RHBDL3: variants seen among roughly 807,000 people sequenced by gnomAD.
RHBDL3 encodes rhomboid-related protein 3.
In RHBDL3, 28 loss-of-function variants were observed where a neutral mutation model predicts 48.2. The observed-to-expected ratio is 0.58, with a 90% CI of 0.43 to 0.80. The LOEUF is 0.80. Ranked by LOEUF, RHBDL3 falls within the 30% of genes least tolerant of loss-of-function variation. RHBDL3 has a pLI of 0.00. For missense variants in RHBDL3, 464 were observed against 542.7 expected (o/e 0.85, Z 1.44); for synonymous variants, 208 against 232.3 (o/e 0.90, Z 0.95).
intron 2 of RHBDL3, among the ~76,000 whole-genome samples, chr17:32,281,430 C>CT (rs1296564113): frequency 6.6e-6 from 1 of 152,052 alleles, no homozygotes; most frequent in Non-Finnish European, 1.5e-5. Flanking sequence ...GGGCTCCCTT[C>CT]TCTAGGCCGA....
intron 1 of RHBDL3, 67 bp downstream of exon 1, chr17:32,266,367 C>G (rs2039630370): frequency 6.1e-6 from 5 of 816,584 alleles, no homozygotes; most frequent in South Asian, 2.0e-5. Flanking sequence ...GCCCCTGTCT[C>G]GCCCCACGCC....
intron 2 of RHBDL3, among the ~76,000 whole-genome samples, chr17:32,281,693 C>T (rs924456008): frequency 1.3e-5 from 2 of 152,208 alleles, no homozygotes; most frequent in African/African-American, 2.4e-5. Flanking sequence ...CACATTCCCT[C>T]TCCAGGGTCC....
rs1046169753 is a variant in RHBDL3, at chr17:32,290,813, G to A, written c.519+1797G>A. Among the ~76,000 whole-genome samples, 10 of 151,896 alleles carry A rather than the reference G, an allele frequency of 6.6e-5. No individual in the cohort carries two copies. The South Asian group carries it at 2.1e-3, about 32-fold the overall frequency. ...AGCCCAGGAATTCAAGATGAGTCTG[G>A]ACAAAAAAGTGAGACTGTCTCTACA... On this transcript the variant is annotated intron_variant, in intron 4 of 8. Transcript: ENST00000269051.
rs1217338120 is a variant in RHBDL3, at chr17:32,266,985, A to G, written c.111+685A>G. ...CCCGCCGTCTGCTGCTCGGGTCTCC[A>G]TCCCTCCGGTCCTGCGGGCCGGCCC... On this transcript the variant is annotated intron_variant, in intron 1 of 8. Transcript: ENST00000269051. 2.0e-5 allele frequency among the ~76,000 whole-genome samples: 3 copies of G among 151,986 alleles called. No homozygotes were observed. In the East Asian group the frequency reaches 5.9e-4, roughly 30 times the overall value.
At chr17:32,296,690 G>A (rs1478930132) in intron 5 of RHBDL3, among the ~76,000 whole-genome samples, 1 of 151,938 alleles carries the variant, frequency 6.6e-6, no homozygotes, top group East Asian at 1.9e-4. Flanking sequence ...TTAAGGGAAA[G>A]CTTTGAATTA....
At chr17:32,286,999 A>G (rs2040213001) in intron 3 of RHBDL3, among the ~76,000 whole-genome samples, 1 of 152,216 alleles carries the variant, frequency 6.6e-6, no homozygotes, top group Admixed American at 6.5e-5. Context: ...TTTACTAAGT[A>G]TGAGTACCCG....
chr17:32,323,791 T>A lies in RHBDL3; in HGVS notation c.*2562T>A, dbSNP rs1237991410. The A allele has an allele frequency of 6.6e-6, 1 of 152,668 alleles. No homozygotes were observed. Among genetic ancestry groups the A allele is most frequent in the Non-Finnish European group, 1.5e-5 (1 of 68,426 alleles). The allele number at this position is 152,668 out of a possible 1,614,324, so 9.5% of individuals were successfully genotyped here. A position where few individuals can be genotyped will look rare whatever the true frequency, so the allele number is the denominator to read the frequency against. On this transcript the variant is annotated 3_prime_UTR_variant, in exon 9 of 9. Transcript: ENST00000269051. ...GCTGTTCTCTGTCAGCACACCCACC[T>A]CCATCCCCTCTCCCAACCATGACTT...
chr17:32,278,303 A>G (rs2039960679), intron 2 of RHBDL3, among the ~76,000 whole-genome samples: 1 of 152,214 alleles, frequency 6.6e-6, no homozygotes, highest in Admixed American at 6.5e-5. Context: ...TCTCAAAAAA[A>G]TAAAAATAAA....
intron 2 of RHBDL3, among the ~76,000 whole-genome samples, chr17:32,283,827 C>T (rs997043263): frequency 1.3e-5 from 2 of 152,198 alleles, no homozygotes; most frequent in African/African-American, 4.8e-5. Flanking sequence ...AGCAGACAGA[C>T]ATCAGTGTGG....
chr17:32,304,689 G>A (rs1276008789), intron 6 of RHBDL3, among the ~76,000 whole-genome samples: 1 of 152,210 alleles, frequency 6.6e-6, no homozygotes, highest in Non-Finnish European at 1.5e-5. Context: ...CCCTGACATA[G>A]CACCATGTCA....
chr17:32,272,755 A>G lies in RHBDL3; in HGVS notation c.135+4830A>G, dbSNP rs145404917. Among the ~76,000 whole-genome samples the G allele has an allele frequency of 3.8e-3, 584 of 152,350 alleles. 4 individuals carry two copies. The highest frequency in any genetic ancestry group is 0.014 in the African/African-American group (564 of 41,578). On this transcript the variant is annotated intron_variant, in intron 2 of 8. Coordinates refer to ENST00000269051, the MANE Select transcript of RHBDL3 (RefSeq NM_138328.3). ...AACAGGGCCGAGGGATCCGAGGTTGAACTTCGCCTGGCTGCCTGCCTGACA... is the reference window on the plus strand; with the variant it reads ...AACAGGGCCGAGGGATCCGAGGTTGGACTTCGCCTGGCTGCCTGCCTGACA...
chr17:32,299,183 C>T (rs967919426), intron 6 of RHBDL3, among the ~76,000 whole-genome samples: 3 of 152,022 alleles, frequency 2.0e-5, no homozygotes, highest in Non-Finnish European at 4.4e-5. Flanking sequence ...TCAGGAGAGC[C>T]GGGCAGCGTC....
intron 6 of RHBDL3, among the ~76,000 whole-genome samples, chr17:32,299,395 C>T (rs1272277853): frequency 6.6e-6 from 1 of 152,196 alleles, no homozygotes; most frequent in African/African-American, 2.4e-5. Flanking sequence ...GTCAGCACCC[C>T]TGCAAGCCCC....
chr17:32,297,778 G>T (rs2040488471), intron 5 of RHBDL3, among the ~76,000 whole-genome samples: 1 of 150,902 alleles, frequency 6.6e-6, no homozygotes, highest in Non-Finnish European at 1.5e-5. Context: ...GGGCTTACAG[G>T]TGTGGGCCAC....
chr17:32,289,714 C>A (rs888968402), intron 4 of RHBDL3, among the ~76,000 whole-genome samples: 1 of 152,200 alleles, frequency 6.6e-6, no homozygotes, highest in Non-Finnish European at 1.5e-5. Flanking sequence ...AAACTCAATT[C>A]TTTTGGGTCC....
At chr17:32,299,046 G>GTTTTT (rs71362825) in intron 6 of RHBDL3, among the ~76,000 whole-genome samples, 6 of 141,272 alleles carry the variant, frequency 4.2e-5, no homozygotes, top group African/African-American at 1.3e-4. Flanking sequence ...ATTGCCGGCT[G>GTTTTT]TTTTTTTTTT....
intron 3 of RHBDL3, among the ~76,000 whole-genome samples, chr17:32,287,422 A>G (rs964814909): frequency 6.6e-6 from 1 of 152,234 alleles, no homozygotes; most frequent in Non-Finnish European, 1.5e-5. Context: ...AACTAGGTCC[A>G]AGCTTTGTAG....
intron 2 of RHBDL3, among the ~76,000 whole-genome samples, chr17:32,268,321 C>T (rs952082454): frequency 2.0e-5 from 3 of 152,132 alleles, no homozygotes; most frequent in African/African-American, 4.8e-5. Flanking sequence ...CCATGGCCAC[C>T]GCTGAAGTCA....
chr17:32,313,998 A>C (rs1194187195), intron 7 of RHBDL3, among the ~76,000 whole-genome samples: 1 of 151,962 alleles, frequency 6.6e-6, no homozygotes, highest in Non-Finnish European at 1.5e-5. Context: ...TGACTTTCTG[A>C]TCTGTCCGAC....
Sources: gnomAD v4.1 joint callset for allele counts (sites outside exome capture counted in the v4.1 genomes callset) on GRCh38, gnomAD v4.1.1 for gene constraint, MANE v1.5 for transcripts, NCBI Gene and HGNC (gene_info 2026-07-23, HGNC 2026-07-21) for gene names.